The following CCDC88B variants were observed in gnomAD, a reference collection of about 807,000 sequenced individuals.
The protein encoded by CCDC88B is coiled-coil domain-containing protein 88B.
A neutral mutation model predicts 183.7 loss-of-function variants in CCDC88B; 138 were observed. That is an observed-to-expected ratio of 0.75 (90% CI 0.65 to 0.87). The LOEUF is 0.87. Ranked by LOEUF, CCDC88B falls within the 40% of genes least tolerant of loss-of-function variation. The probability of loss-of-function intolerance (pLI) is 0.00; values close to 1 mark genes in which losing one functional copy is unlikely to be tolerated. For missense variants in CCDC88B, 1,822 were observed against 1,965.6 expected (o/e 0.93, Z 1.38); for synonymous variants, 835 against 867.5 (o/e 0.96, Z 0.66).
chr11:64,348,693 C>T (rs1431062269), intron 14 of CCDC88B: 1 of 412,224 alleles, frequency 2.4e-6, no homozygotes. Context: ...CAGCTGTCCC[C>T]GAAGCTTCAT....
chr11:64,352,265 A>G lies in CCDC88B; in HGVS notation c.3235A>G (p.Lys1079Glu). The part of the protein sequence containing the change: ...GQQQALLRDH[K>E]ALAQLQRRQE... The stretch of plus-strand genomic sequence containing the variant: ...GCAGCAGGCCCTGCTTCGGGACCAC[A>G]AGGCCCTGGCACAGCTGCAGCGGCG... The change falls in exon 19 of 27, where the codon AAG (lysine) becomes GAG (glutamate). Residue 1079 changes from lysine to glutamate, a missense_variant. Lys to Glu is a moderately conservative substitution (Grantham distance 56). Transcript: ENST00000356786. 6.3e-6 allele frequency: 10 copies of G among 1,599,902 alleles called. No homozygotes were observed. The highest frequency in any genetic ancestry group is 8.5e-6 in the Non-Finnish European group (10 of 1,173,712).
Position 64,340,599 on chromosome 11 carries a change from C to G in CCDC88B, c.61-8C>G, listed in dbSNP as rs143036881. The G allele has an allele frequency of 2.5e-6, 4 of 1,606,214 alleles. No homozygotes were observed. The South Asian group carries it at 3.3e-5, about 13-fold the overall frequency. On this transcript the variant is annotated splice_region_variant and splice_polypyrimidine_tract_variant and intron_variant, in intron 1 of 26. Coordinates refer to ENST00000356786, the MANE Select transcript of CCDC88B (RefSeq NM_032251.6). ...GCTGGTCGGCTGACCCCTCTGGGCTCCTCACAGGCGCTGGGACTGGCCGGG... is the reference window on the plus strand; with the variant it reads ...GCTGGTCGGCTGACCCCTCTGGGCTGCTCACAGGCGCTGGGACTGGCCGGG...
At position 64,345,008 on chromosome 11, in the gene CCDC88B, C is replaced by T. The variant is rs775365764; in HGVS notation, c.2467C>T (p.Arg823Trp). 9 of 1,546,568 alleles carry T rather than the reference C, an allele frequency of 5.8e-6. No individual in the cohort carries two copies. Among genetic ancestry groups the T allele is most frequent in the African/African-American group, 2.7e-5 (2 of 73,356 alleles). The change falls in exon 14 of 27, where the codon CGG (arginine) becomes TGG (tryptophan). Residue 823 changes from arginine (R) to tryptophan (W), a missense_variant. By Grantham distance (101) the Arg-to-Trp change is moderately radical. Transcript: ENST00000356786. The part of the protein sequence containing the change: ...ALVEALAAAG[R>W]ERRQWEREGS... ...GGTGGAGGCGCTGGCAGCAGCGGGC[C>T]GGGAGCGGAGGCAGTGGGAGCGTGA...
chr11:64,346,345 T>C (rs2036103298), intron 14 of CCDC88B, among the ~76,000 whole-genome samples: 1 of 152,082 alleles, frequency 6.6e-6, no homozygotes, highest in East Asian at 1.9e-4. Flanking sequence ...CTTGGTTCAT[T>C]GCAACCTCCG....
Position 64,351,196 on chromosome 11 carries a change from C to T in CCDC88B, c.2899C>T (p.Arg967Cys), listed in dbSNP as rs1369679341. ...QGPAGLGPKK[R>C]AEPQLVETQN... Reference sequence around the variant, plus strand: ...CCCCGCGGGGCTGGGGCCCAAAAAGCGTGCGGAGCCTCAGCTGGTGGAGAC... The same window carrying T: ...CCCCGCGGGGCTGGGGCCCAAAAAGTGTGCGGAGCCTCAGCTGGTGGAGAC... Residue 967 changes from arginine to cysteine, a missense_variant, in exon 17 of 27, where the codon CGT becomes TGT. Physicochemically the swap from Arg to Cys is radical, Grantham distance 180 (BLOSUM62 -3). Coordinates refer to ENST00000356786, the MANE Select transcript of CCDC88B (RefSeq NM_032251.6). The T allele has an allele frequency of 6.6e-6, 10 of 1,516,322 alleles. No individual in the cohort carries two copies. The highest frequency in any genetic ancestry group is 1.9e-4 in the Middle Eastern group (1 of 5,326). The allele number at this position is 1,516,322 out of a possible 1,614,324, so 93.9% of individuals were successfully genotyped here.
intron 14 of CCDC88B, among the ~76,000 whole-genome samples, chr11:64,345,860 A>T (rs747864357): frequency 3.3e-5 from 5 of 152,140 alleles, no homozygotes; most frequent in Admixed American, 6.5e-5. Flanking sequence ...TACAAAAATC[A>T]GCCAGGCGTG....
rs906197846 is a variant in CCDC88B, at chr11:64,351,163, C to T, written c.2866C>T (p.Arg956Cys). Reference sequence around the variant, plus strand: ...CTCCCAGGGACTCTCCTTGCAGCTGCGCCAGGGCCCCGCGGGGCTGGGGCC... The same window carrying T: ...CTCCCAGGGACTCTCCTTGCAGCTGTGCCAGGGCCCCGCGGGGCTGGGGCC... ...LQLEEELFQL[R>C]QGPAGLGPKK... Residue 956 changes from arginine (R) to cysteine (C), a missense_variant, in exon 17 of 27, where the codon CGC becomes TGC. Coordinates refer to ENST00000356786, the MANE Select transcript of CCDC88B (RefSeq NM_032251.6). 34 of 1,478,048 alleles carry T rather than the reference C, an allele frequency of 2.3e-5. No homozygotes were observed. The highest frequency in any genetic ancestry group is 8.2e-5 in the Admixed American group (3 of 36,464). The allele number at this position is 1,478,048 out of a possible 1,614,324, so 91.6% of individuals were successfully genotyped here.
intron 23 of CCDC88B, 55 bp downstream of exon 23, chr11:64,353,868 GC>G: frequency 6.2e-7 from 1 of 1,605,982 alleles, no homozygotes; most frequent in African/African-American, 1.3e-5. Context: ...CTCTGCCCCT[GC>G]CCTGGCCTCT....
At chr11:64,355,921 A>G (rs1236282189) in intron 26 of CCDC88B, 1 of 306,192 alleles carries the variant, frequency 3.3e-6, no homozygotes, top group Non-Finnish European at 6.0e-6. Flanking sequence ...AGACAGGTAC[A>G]ATGGATTTTA....
At chr11:64,354,622 C>T (rs1278279144) in intron 24 of CCDC88B, among the ~76,000 whole-genome samples, 1 of 148,672 alleles carries the variant, frequency 6.7e-6, no homozygotes, top group Admixed American at 6.7e-5. Flanking sequence ...CCCTGGGCAG[C>T]TTCACCCACT....
chr11:64,341,161 G>T lies in CCDC88B; in HGVS notation c.371G>T (p.Gly124Val), dbSNP rs1461788518. The T allele has an allele frequency of 6.2e-7, 1 of 1,614,072 alleles. No individual in the cohort carries two copies. The highest frequency in any genetic ancestry group is 1.7e-5 in the Admixed American group (1 of 60,002). Residue 124 changes from glycine to valine, a missense_variant, in exon 4 of 27, where the codon GGA becomes GTA. Gly to Val is a moderately radical substitution (Grantham distance 109). Transcript: ENST00000356786. ...CCACCCCCAGACCTCCAGACATTGG[G>T]ATTTGACCCTCTCTCAGGTGCTCTC... The part of the protein sequence containing the change: ...LSPPPDLQTL[G>V]FDPLSEEAVE...
chr11:64,345,274 A>G, intron 14 of CCDC88B, 117 bp downstream of exon 14: 2 of 1,210,212 alleles, frequency 1.7e-6, no homozygotes, highest in Non-Finnish European at 2.3e-6. Flanking sequence ...GGGGCTGGAG[A>G]TAGAAAGGCC....
chr11:64,344,016 C>G lies in CCDC88B; in HGVS notation c.1475C>G (p.Pro492Arg), dbSNP rs146686061. 6.4e-7 allele frequency: 1 copy of G among 1,559,656 alleles called. No individual in the cohort carries two copies. Among genetic ancestry groups the G allele is most frequent in the Admixed American group, 1.9e-5 (1 of 51,604 alleles). Residue 492 changes from proline to arginine, a missense_variant, in exon 14 of 27, where the codon CCG (proline) becomes CGG (arginine). Pro to Arg is a moderately radical substitution (Grantham distance 103). Transcript: ENST00000356786. This position sits in a 1 kb window ranked among gnomAD's most constrained non-coding sequence, Gnocchi z 4.5. ...CCTCAGCACCCCCTGCTGGAGGCAC[C>G]GAGAGAGGACCCTGTTCTTCCAGTG... ...PGGQHPLLEAPREDPVLPVLE... is the reference protein window; with the variant it reads ...PGGQHPLLEARREDPVLPVLE...
intron 11 of CCDC88B, 22 bp from the exon 12 acceptor site, chr11:64,343,485 C>A (rs1429565736): frequency 1.3e-5 from 20 of 1,550,634 alleles, no homozygotes; most frequent in Non-Finnish European, 1.7e-5. Context: ...GAGGGCTTGT[C>A]TGACCCTTCC....
intron 14 of CCDC88B, among the ~76,000 whole-genome samples, chr11:64,345,929 C>T (rs1011144303): frequency 1.2e-4 from 18 of 152,164 alleles, no homozygotes; most frequent in African/African-American, 2.9e-4. Context: ...TGCTTGAACC[C>T]GGAAGGCGGA....
At position 64,353,819 on chromosome 11, in the gene CCDC88B, C is replaced by T. The variant is rs1381603619; in HGVS notation, c.3932+6C>T. 6.2e-7 allele frequency: 1 copy of T among 1,613,908 alleles called. No homozygotes were observed. On this transcript the variant is annotated splice_donor_region_variant and intron_variant, in intron 23 of 26. Coordinates refer to ENST00000356786, the MANE Select transcript of CCDC88B (RefSeq NM_032251.6). ...GTGCCCCTGCCCCGGACCAAGTGAG[C>T]AGCCCTGTCACCTCCCTCAGGCTGG...
At chr11:64,349,828 G>A (rs1360601976) in intron 16 of CCDC88B, 160 bp downstream of exon 16, 3 of 672,914 alleles carry the variant, frequency 4.5e-6, no homozygotes, top group Non-Finnish European at 7.6e-6. Context: ...GCACTGTGCT[G>A]GGAGTCAGGT....
Position 64,352,311 on chromosome 11 carries a change from G to T in CCDC88B, c.3281G>T (p.Gly1094Val), listed in dbSNP as rs1390796130. Residue 1094 changes from glycine (G) to valine (V), a missense_variant, in exon 19 of 27, where the codon GGA becomes GTA. Gly to Val is a moderately radical substitution (Grantham distance 109). Coordinates refer to ENST00000356786, the MANE Select transcript of CCDC88B (RefSeq NM_032251.6). ...CGGCGGCAGGAGGCCGAGCTAGAGG[G>T]ACTGCTGGTGCGGCACCGAGACCTC... ...LQRRQEAELE[G>V]LLVRHRDLKA... 6 of 1,555,854 alleles carry T rather than the reference G, an allele frequency of 3.9e-6. No homozygotes were observed. The East Asian group carries it at 1.5e-4, about 38-fold the overall frequency.
At position 64,353,121 on chromosome 11, in the gene CCDC88B, CGG is replaced by C; in HGVS notation, c.3571_3572del (p.Gly1191ProfsTer38). The C allele has an allele frequency of 6.2e-7, 1 of 1,605,990 alleles. No individual in the cohort carries two copies. Among genetic ancestry groups the C allele is most frequent in the Non-Finnish European group, 8.5e-7 (1 of 1,177,132 alleles). On this transcript the variant is annotated frameshift_variant, in exon 21 of 27. Coordinates refer to ENST00000356786, the MANE Select transcript of CCDC88B (RefSeq NM_032251.6). LOFTEE classifies it high-confidence loss of function. ...GCTGCAGGGTGAACGCGGGGAGCTA[CGG>C]GGCCGGCTGGCGCGGCTGGAGCTGG... is the stretch of plus-strand genomic sequence containing the variant. The part of the protein sequence containing the change: ...GELQGERGEL[R>X]GRLARLELER...
Sources: allele counts gnomAD v4.1 joint callset (sites outside exome capture counted in the v4.1 genomes callset), GRCh38; gene constraint gnomAD v4.1.1; non-coding constraint Gnocchi (gnomAD v3.1); transcripts MANE v1.5; gene names NCBI Gene and HGNC (gene_info 2026-07-23, HGNC 2026-07-21).